The following PPM1H variants were observed in gnomAD, a reference collection of about 807,000 sequenced individuals.
The protein encoded by PPM1H is protein phosphatase, Mg2+/Mn2+ dependent 1H.
In PPM1H, 27 loss-of-function variants were observed where a neutral mutation model predicts 54.9. The observed-to-expected ratio is 0.49, with a 90% CI of 0.36 to 0.68. The LOEUF is 0.68. Among genes scored for constraint, PPM1H ranks in the 30% least tolerant of loss-of-function variants. The pLI is 0.00. For missense variants in PPM1H, 596 were observed against 667.8 expected (o/e 0.89, Z 1.19); for synonymous variants, 305 against 270.8 (o/e 1.13, Z -1.24).
In PPM1H at chr12:62,679,252, T is replaced by C. The variant is rs546094355; in HGVS notation, c.1245+10447A>G. ...TGCCCGCCTCAGCCTCCCAAAGTGC[T>C]GGGATTACAGGCATGAGCCACCATG... On this transcript the variant is annotated intron_variant, in intron 8 of 9. Transcript: ENST00000228705. 4.3e-3 allele frequency among the ~76,000 whole-genome samples: 648 copies of C among 152,346 alleles called. 6 individuals are homozygous for C. The highest frequency in any genetic ancestry group is 0.015 in the African/African-American group (619 of 41,584).
intron 3 of PPM1H, among the ~76,000 whole-genome samples, chr12:62,792,531 C>CT (rs2076706684): frequency 1.3e-5 from 2 of 152,156 alleles, no homozygotes; most frequent in African/African-American, 4.8e-5. Context: ...AGTGTGCATA[C>CT]ATGCACATGT....
intron 5 of PPM1H, among the ~76,000 whole-genome samples, chr12:62,732,366 T>C (rs1241454835): frequency 6.6e-6 from 1 of 152,208 alleles, no homozygotes; most frequent in Admixed American, 6.5e-5. Flanking sequence ...TCCAGTTCCA[T>C]AATCCCCGAA....
chr12:62,834,260 C>G (rs1238484809), intron 1 of PPM1H, among the ~76,000 whole-genome samples: 1 of 152,026 alleles, frequency 6.6e-6, no homozygotes, highest in Non-Finnish European at 1.5e-5. Context: ...TTTTCTTGTC[C>G]CACCTTCAAG....
chr12:62,851,630 G>C (rs903785188), intron 1 of PPM1H, among the ~76,000 whole-genome samples: 1 of 151,964 alleles, frequency 6.6e-6, no homozygotes, highest in Non-Finnish European at 1.5e-5. Context: ...TTGAACCCGG[G>C]GGGTGAAGGT....
In PPM1H at chr12:62,844,474, C is replaced by T. The variant is rs983539126; in HGVS notation, c.246-12195G>A. Among the ~76,000 whole-genome samples, 4 of 152,208 alleles carry T rather than the reference C, an allele frequency of 2.6e-5. No homozygotes were observed. Among genetic ancestry groups the T allele is most frequent in the South Asian group, 4.1e-4 (2 of 4,836 alleles). The stretch of plus-strand genomic sequence containing the variant: ...CTACATGATTCAGGCTACGTAGCCA[C>T]ATTCCCCTCAAGGCTCAAGATAACT... On this transcript the variant is annotated intron_variant, in intron 1 of 9. Transcript: ENST00000228705. This position sits in a 1 kb window ranked among gnomAD's most constrained non-coding sequence, Gnocchi z 5.2.
At chr12:62,786,635 A>C (rs953249471) in intron 4 of PPM1H, among the ~76,000 whole-genome samples, 3 of 151,356 alleles carry the variant, frequency 2.0e-5, no homozygotes, top group Non-Finnish European at 2.9e-5. Flanking sequence ...AGGGTGGTCA[A>C]CTCCTTCCTG....
At chr12:62,690,693 C>G (rs2076077815) in intron 7 of PPM1H, among the ~76,000 whole-genome samples, 1 of 152,214 alleles carries the variant, frequency 6.6e-6, no homozygotes, top group African/African-American at 2.4e-5. Flanking sequence ...AACTTGGGGC[C>G]ACGTGCGGTG....
chr12:62,856,576 A>G (rs1392639119), intron 1 of PPM1H, among the ~76,000 whole-genome samples: 1 of 152,208 alleles, frequency 6.6e-6, no homozygotes, highest in Admixed American at 6.5e-5. Context: ...AGGATATTGA[A>G]TGTGCCCAAT....
intron 1 of PPM1H, among the ~76,000 whole-genome samples, chr12:62,848,777 G>A (rs1291850845): frequency 6.6e-6 from 1 of 152,162 alleles, no homozygotes; most frequent in Non-Finnish European, 1.5e-5. Context: ...TAATCCACTG[G>A]TGGTGGCTGG....
chr12:62,930,495 T>C (rs139553201), intron 1 of PPM1H, among the ~76,000 whole-genome samples: 14 of 152,360 alleles, frequency 9.2e-5, no homozygotes, highest in South Asian at 2.1e-4. Context: ...CAACACATTC[T>C]TTGGCATTCC....
chr12:62,740,659 T>C (rs1313704145), intron 4 of PPM1H, among the ~76,000 whole-genome samples: 3 of 152,222 alleles, frequency 2.0e-5, no homozygotes, highest in Non-Finnish European at 2.9e-5. Flanking sequence ...ACAAGAACCA[T>C]GCCTGTCTTG....
intron 6 of PPM1H, among the ~76,000 whole-genome samples, chr12:62,701,846 T>C (rs947104702): frequency 2.6e-5 from 4 of 152,236 alleles, no homozygotes; most frequent in African/African-American, 7.2e-5. Flanking sequence ...GCTTCAGTGC[T>C]TCAAGCACAA....
intron 3 of PPM1H, among the ~76,000 whole-genome samples, chr12:62,799,866 C>G (rs1028346622): frequency 6.6e-6 from 1 of 152,116 alleles, no homozygotes; most frequent in African/African-American, 2.4e-5. Flanking sequence ...CTCAGGCATC[C>G]CGGTGGTGCT....
chr12:62,807,429 T>C (rs563718), intron 2 of PPM1H, among the ~76,000 whole-genome samples: 33,433 of 151,874 alleles, frequency 0.22, 4,145 homozygotes, highest in African/African-American at 0.34. Flanking sequence ...AAAAGTGTCA[T>C]AAAACAAAGG....
chr12:62,658,524 G>A (rs1442428461), intron 9 of PPM1H, among the ~76,000 whole-genome samples: 1 of 152,088 alleles, frequency 6.6e-6, no homozygotes, highest in Non-Finnish European at 1.5e-5. Flanking sequence ...ACAGTCAGTT[G>A]CAGATATTTT....
At chr12:62,727,742 T>C (rs894100658) in intron 5 of PPM1H, among the ~76,000 whole-genome samples, 1 of 151,432 alleles carries the variant, frequency 6.6e-6, no homozygotes, top group Non-Finnish European at 1.5e-5. Context: ...CTCACTGCAA[T>C]GTCTGCCTCC....
At chr12:62,914,426 G>A (rs1466130124) in intron 1 of PPM1H, among the ~76,000 whole-genome samples, 3 of 152,180 alleles carry the variant, frequency 2.0e-5, no homozygotes, top group Admixed American at 2.0e-4. Flanking sequence ...AGACAAGGAG[G>A]GGAAGATTTT....
rs147865548 is a variant in PPM1H at position 62,780,768 on chromosome 12, C to T, written c.869+7458G>A. Among the ~76,000 whole-genome samples, 581 of 152,246 alleles carry T rather than the reference C, an allele frequency of 3.8e-3. 3 individuals are homozygous for T. Among genetic ancestry groups the T allele is most frequent in the African/African-American group, 0.014 (566 of 41,540 alleles). On this transcript the variant is annotated intron_variant, in intron 4 of 9. Transcript: ENST00000228705. Reference sequence around the variant, plus strand: ...TCACCTACACATTAGATGATCAGGCCCTGGAAATCTATCCTGGTGTGGGCT... The same window carrying T: ...TCACCTACACATTAGATGATCAGGCTCTGGAAATCTATCCTGGTGTGGGCT...
chr12:62,778,895 C>T (rs186876980), intron 4 of PPM1H, among the ~76,000 whole-genome samples: 1 of 151,382 alleles, frequency 6.6e-6, no homozygotes, highest in African/African-American at 2.4e-5. Flanking sequence ...CATGCTACTG[C>T]ACTCCAGCCT....
Sources: gnomAD v4.1 joint callset for allele counts (sites outside exome capture counted in the v4.1 genomes callset) on GRCh38, gnomAD v4.1.1 for gene constraint, Gnocchi (gnomAD v3.1) non-coding constraint, MANE v1.5 for transcripts, NCBI Gene and HGNC (gene_info 2026-07-23, HGNC 2026-07-21) for gene names.